Variants in VEPH1 observed in about 807,000 individuals in gnomAD.
VEPH1 encodes ventricular zone expressed PH domain containing 1.
In VEPH1, 80 loss-of-function variants were observed where a neutral mutation model predicts 85.2. The ratio of observed to expected loss-of-function variants is 0.94; its 90% CI spans 0.78 to 1.13. The LOEUF (loss-of-function observed/expected upper bound fraction) is 1.13. VEPH1 is among the 50% of genes most tolerant of loss of function. VEPH1 has a pLI of 0.00. For missense variants in VEPH1, 955 were observed against 980.5 expected, an observed-to-expected ratio of 0.97 and a Z score of 0.35; for synonymous variants, 297 against 348.0, an observed-to-expected ratio of 0.85 and a Z score of 1.63.
chr3:157,413,488 A>T (rs1731674048), intron 6 of VEPH1: 1 of 985,402 alleles, frequency 1.0e-6, no homozygotes. Context: ...TGCAACCTGA[A>T]ATGAGATACA....
chr3:157,414,123 A>C, intron 5 of VEPH1, 33 bp from the exon 6 acceptor site: 1 of 1,504,536 alleles, frequency 6.6e-7, no homozygotes, highest in South Asian at 1.2e-5. Flanking sequence ...GAGGGAAGAA[A>C]GAAGGAAGAA....
intron 9 of VEPH1, among the ~76,000 whole-genome samples, chr3:157,325,825 G>C (rs1423920577): frequency 1.3e-5 from 2 of 152,064 alleles, no homozygotes; most frequent in African/African-American, 2.4e-5. Context: ...GCTCTTCTTT[G>C]GTTCCAGGTG....
At chr3:157,431,117 G>A (rs1733114630) in intron 4 of VEPH1, among the ~76,000 whole-genome samples, 1 of 152,162 alleles carries the variant, frequency 6.6e-6, no homozygotes, top group Non-Finnish European at 1.5e-5. Flanking sequence ...TTTCATGATA[G>A]TGAGGGAGTT....
chr3:157,286,728 A>C, intron 11 of VEPH1, 54 bp from the exon 12 acceptor site: 1 of 1,376,044 alleles, frequency 7.3e-7, no homozygotes, highest in South Asian at 1.2e-5. Context: ...CTGCTACCTA[A>C]CATTCTGAGA....
chr3:157,459,791 C>G (rs1028448008), intron 4 of VEPH1: 3 of 1,479,730 alleles, frequency 2.0e-6, no homozygotes, highest in Non-Finnish European at 2.7e-6. Context: ...AAAGACATTT[C>G]TTGCTTTTGG....
At chr3:157,437,874 C>A (rs984473486) in intron 4 of VEPH1, 17 of 1,504,548 alleles carry the variant, frequency 1.1e-5, no homozygotes, top group Non-Finnish European at 1.5e-5. Context: ...CCGACCTGCA[C>A]GCGGTGCAGG....
chr3:157,448,552 A>G (rs969199652), intron 4 of VEPH1, among the ~76,000 whole-genome samples: 4 of 152,224 alleles, frequency 2.6e-5, no homozygotes, highest in African/African-American at 9.6e-5. Context: ...AGGGTCTTCA[A>G]TAATATTTTC....
intron 6 of VEPH1, among the ~76,000 whole-genome samples, chr3:157,384,546 C>T (rs1234565180): frequency 6.6e-6 from 1 of 152,186 alleles, no homozygotes; most frequent in African/African-American, 2.4e-5. Flanking sequence ...TTCTTTAAAG[C>T]ATGTGTCTTT....
chr3:157,312,900 ATTTT>A (rs140277345), intron 11 of VEPH1, among the ~76,000 whole-genome samples: 5,714 of 97,952 alleles, frequency 0.058, 123 homozygotes, highest in South Asian at 0.11. Context: ...AAAAAAAAAC[ATTTT>A]TTTTTTTTTT....
chr3:157,391,523 C>A (rs913695906), intron 6 of VEPH1, among the ~76,000 whole-genome samples: 3 of 152,178 alleles, frequency 2.0e-5, no homozygotes, highest in African/African-American at 7.2e-5. Flanking sequence ...TCAGCCATTA[C>A]CAGCGGCATG....
Position 157,414,057 on chromosome 3 carries a change from G to A in VEPH1, c.730C>T (p.His244Tyr), listed in dbSNP as rs767680165. Reference protein sequence around the residue: ...VQKCIPFLIGHLKDSTHNDII... With the variant: ...VQKCIPFLIGYLKDSTHNDII... ...TCATTATGGGTTGAATCCTTCAAAT[G>A]CCCAATTAGGAAAGGAATACACTTC... The change falls in exon 6 of 14, where the codon CAT becomes TAT. Residue 244 changes from histidine (H) to tyrosine (Y), a missense_variant. Coordinates refer to ENST00000362010, the MANE Select transcript of VEPH1 (RefSeq NM_001167912.2). 30 of 1,612,562 alleles carry A rather than the reference G, an allele frequency of 1.9e-5. No homozygotes were observed. The highest frequency in any genetic ancestry group is 1.1e-4 in the South Asian group (10 of 91,034).
intron 1 of VEPH1, among the ~76,000 whole-genome samples, chr3:157,502,078 A>G (rs1740158763): frequency 6.6e-6 from 1 of 152,176 alleles, no homozygotes; most frequent in African/African-American, 2.4e-5. Context: ...TGTTCCCTGG[A>G]TGTCTCTGGG....
chr3:157,409,030 G>T (rs1435344200), intron 6 of VEPH1, among the ~76,000 whole-genome samples: 1 of 152,096 alleles, frequency 6.6e-6, no homozygotes, highest in African/African-American at 2.4e-5. Flanking sequence ...GGCCTCTCCA[G>T]CTAGACAGGT....
chr3:157,345,300 G>C (rs978527675), intron 9 of VEPH1, among the ~76,000 whole-genome samples: 16 of 152,036 alleles, frequency 1.1e-4, no homozygotes, highest in African/African-American at 3.6e-4. Flanking sequence ...CTAATATCCA[G>C]AATCTACAAA....
chr3:157,342,479 A>C (rs889122442), intron 9 of VEPH1, among the ~76,000 whole-genome samples: 1 of 152,254 alleles, frequency 6.6e-6, no homozygotes, highest in Non-Finnish European at 1.5e-5. Context: ...AGAGCTAACT[A>C]TCCTAAATAT....
chr3:157,281,983 T>C (rs535721964), intron 12 of VEPH1, among the ~76,000 whole-genome samples: 330 of 152,274 alleles, frequency 2.2e-3, no homozygotes, highest in African/African-American at 7.6e-3. Flanking sequence ...CATTTTCACA[T>C]TGGCATCTAG....
chr3:157,466,223 G>A (rs575070875), intron 3 of VEPH1, among the ~76,000 whole-genome samples: 111 of 152,106 alleles, frequency 7.3e-4, no homozygotes, highest in African/African-American at 2.5e-3. Context: ...TGGGGGGGTG[G>A]GGATGGCCAA....
chr3:157,305,929 T>G (rs1326436662), intron 11 of VEPH1, among the ~76,000 whole-genome samples: 3 of 152,218 alleles, frequency 2.0e-5, no homozygotes, highest in Admixed American at 2.0e-4. Context: ...TTAAGGATAT[T>G]AAACTTTGTT....
At chr3:157,466,458 C>T (rs1366712750) in intron 3 of VEPH1, among the ~76,000 whole-genome samples, 2 of 152,184 alleles carry the variant, frequency 1.3e-5, no homozygotes, top group African/African-American at 2.4e-5. Flanking sequence ...CGTTGCCCTG[C>T]AAGACTGGAT....
Sources: allele counts gnomAD v4.1 joint callset (sites outside exome capture counted in the v4.1 genomes callset), GRCh38; gene constraint gnomAD v4.1.1; transcripts MANE v1.5; gene names NCBI Gene and HGNC (gene_info 2026-07-23, HGNC 2026-07-21).